The following DPP6 variants were observed in gnomAD, a reference collection of about 807,000 sequenced individuals.
The protein encoded by DPP6 is A-type potassium channel modulatory protein DPP6.
DPP6 carries 69 observed loss-of-function variants against 122.6 expected under a neutral mutation model. The ratio of observed to expected loss-of-function variants is 0.56; its 90% CI spans 0.46 to 0.69. DPP6 has a LOEUF of 0.69. DPP6 is among the 30% of genes least tolerant of loss of function. The probability of loss-of-function intolerance (pLI) is 0.00; values close to 1 mark genes in which losing one functional copy is unlikely to be tolerated. For missense variants in DPP6, 928 were observed against 1,116.9 expected, an observed-to-expected ratio of 0.83 and a Z score of 2.41; for synonymous variants, 418 against 433.1, an observed-to-expected ratio of 0.97 and a Z score of 0.43.
At chr7:154,105,839 T>C (rs1471066041) in intron 1 of DPP6, among the ~76,000 whole-genome samples, 1 of 151,942 alleles carries the variant, frequency 6.6e-6, no homozygotes, top group Non-Finnish European at 1.5e-5. Context: ...ACCTCTTTCC[T>C]TTATAAATTA....
At chr7:153,873,195 A>C in the DPP6 span, among the ~76,000 whole-genome samples, 1 of 152,114 alleles carries the variant, frequency 6.6e-6, no homozygotes, top group Non-Finnish European at 1.5e-5. Flanking sequence ...CATGGGAATC[A>C]TGTGTGAGAA....
chr7:154,374,956 A>T (rs917323097), intron 1 of DPP6, among the ~76,000 whole-genome samples: 1 of 152,250 alleles, frequency 6.6e-6, no homozygotes, highest in East Asian at 1.9e-4. Flanking sequence ...ATCTCTAAGT[A>T]CTCATTATGT....
chr7:154,309,872 G>A (rs1481981154), intron 1 of DPP6, among the ~76,000 whole-genome samples: 1 of 152,162 alleles, frequency 6.6e-6, no homozygotes, highest in Non-Finnish European at 1.5e-5. Flanking sequence ...ACGGACATTG[G>A]ATGTAGCAGC....
At chr7:153,866,848 A>G in the DPP6 span, among the ~76,000 whole-genome samples, 4 of 152,172 alleles carry the variant, frequency 2.6e-5, no homozygotes, top group Non-Finnish European at 5.9e-5. Context: ...GAAGGGATCC[A>G]GTTTCAGCTT....
intron 1 of DPP6, among the ~76,000 whole-genome samples, chr7:154,364,066 G>A (rs2151103621): frequency 6.6e-6 from 1 of 152,142 alleles, no homozygotes; most frequent in African/African-American, 2.4e-5. Context: ...TCCGTGCCCT[G>A]GTCTTACCTC....
At chr7:154,500,077 A>T (rs1321084110) in intron 3 of DPP6, among the ~76,000 whole-genome samples, 2 of 152,128 alleles carry the variant, frequency 1.3e-5, no homozygotes, top group African/African-American at 2.4e-5. Flanking sequence ...CTCACTAGAG[A>T]CTCAGTTCCC....
intron 1 of DPP6, among the ~76,000 whole-genome samples, chr7:154,124,189 C>A (rs866266547): frequency 1.4e-4 from 22 of 152,228 alleles, no homozygotes; most frequent in African/African-American, 5.3e-4. Context: ...CATTTCAAGT[C>A]TTTGCTATCA....
At chr7:153,980,120 T>G (rs1412241989) in intron 1 of DPP6, among the ~76,000 whole-genome samples, 3 of 152,234 alleles carry the variant, frequency 2.0e-5, no homozygotes, top group Non-Finnish European at 4.4e-5. Context: ...GAAGGAATGG[T>G]ACCAGCTCCT....
chr7:154,379,963 C>T (rs6946612), intron 1 of DPP6, among the ~76,000 whole-genome samples: 3,570 of 152,162 alleles, frequency 0.023, 147 homozygotes, highest in African/African-American at 0.082. Context: ...GCAGAGAAAT[C>T]CAGATGTGGG....
chr7:153,818,963 G>T, the DPP6 span, among the ~76,000 whole-genome samples: 1 of 150,680 alleles, frequency 6.6e-6, no homozygotes, highest in Admixed American at 6.6e-5. Flanking sequence ...CGTTGGCAAG[G>T]CTGGTCTCGA....
chr7:154,375,600 T>G (rs1813061911), intron 1 of DPP6, among the ~76,000 whole-genome samples: 1 of 152,242 alleles, frequency 6.6e-6, no homozygotes, highest in South Asian at 2.1e-4. Flanking sequence ...CAGTGCTTTT[T>G]CTCTGTCTCC....
At chr7:154,264,676 G>C (rs1425821288) in intron 1 of DPP6, among the ~76,000 whole-genome samples, 3 of 151,902 alleles carry the variant, frequency 2.0e-5, no homozygotes, top group Non-Finnish European at 4.4e-5. Context: ...TGGTGATCCT[G>C]ATGATGGTGT....
chr7:154,134,956 G>A (rs923611516), intron 1 of DPP6, among the ~76,000 whole-genome samples: 1 of 151,636 alleles, frequency 6.6e-6, no homozygotes, highest in Non-Finnish European at 1.5e-5. Flanking sequence ...TCCTGTGAGT[G>A]TACACTTCCT....
chr7:154,231,120 C>A (rs1800893721), intron 1 of DPP6, among the ~76,000 whole-genome samples: 1 of 152,178 alleles, frequency 6.6e-6, no homozygotes, highest in South Asian at 2.1e-4. Context: ...AAACTTGAAT[C>A]AGTATAGAAC....
chr7:154,820,764 G>T (rs935559842), intron 16 of DPP6, among the ~76,000 whole-genome samples: 4 of 152,148 alleles, frequency 2.6e-5, no homozygotes, highest in African/African-American at 9.7e-5. Context: ...GAAGGGGGAA[G>T]AAATAAATCA....
intron 1 of DPP6, among the ~76,000 whole-genome samples, chr7:154,307,159 T>A (rs191096217): frequency 6.6e-6 from 1 of 152,300 alleles, no homozygotes; most frequent in Admixed American, 6.5e-5. Context: ...AAATCCCTTG[T>A]TTCCTGTACA....
At chr7:154,003,527 A>G (rs1019628615) in intron 1 of DPP6, among the ~76,000 whole-genome samples, 1 of 152,232 alleles carries the variant, frequency 6.6e-6, no homozygotes, top group African/African-American at 2.4e-5. Flanking sequence ...TCAGATAGCT[A>G]TTGCTATGCA....
At chr7:154,567,956 A>G (rs145966035) in intron 5 of DPP6, among the ~76,000 whole-genome samples, 180 of 152,284 alleles carry the variant, frequency 1.2e-3, no homozygotes, top group Non-Finnish European at 1.9e-3. Context: ...TATTCTTCCA[A>G]CTGTAGATTT....
At chr7:153,840,243 A>C in the DPP6 span, among the ~76,000 whole-genome samples, 1 of 152,216 alleles carries the variant, frequency 6.6e-6, no homozygotes, top group Admixed American at 6.5e-5. Context: ...GCATTAAAAT[A>C]TCAGAGAAAA....
Sources: gnomAD v4.1 joint callset for allele counts (sites outside exome capture counted in the v4.1 genomes callset) on GRCh38, gnomAD v4.1.1 for gene constraint, MANE v1.5 for transcripts, NCBI Gene and HGNC (gene_info 2026-07-23, HGNC 2026-07-21) for gene names.